Variants in SYN3 observed in about 807,000 individuals in gnomAD.
SYN3 encodes the protein synapsin III, also known as synapsin-3.
In SYN3, 35 loss-of-function variants were observed where a neutral mutation model predicts 65.8. The ratio of observed to expected loss-of-function variants is 0.53; its 90% CI spans 0.41 to 0.70. The LOEUF (loss-of-function observed/expected upper bound fraction) is 0.70, where lower values mean the gene tolerates loss of function less well. SYN3 is among the 30% of genes least tolerant of loss of function. SYN3 has a pLI of 0.00. For missense variants in SYN3, 680 were observed against 749.0 expected (o/e 0.91, Z 1.08); for synonymous variants, 270 against 292.9 (o/e 0.92, Z 0.80).
At chr22:32,946,010 T>C (rs1240945721) in intron 3 of SYN3, among the ~76,000 whole-genome samples, 4 of 152,162 alleles carry the variant, frequency 2.6e-5, no homozygotes, top group African/African-American at 9.7e-5. Flanking sequence ...TCATACCAGT[T>C]AGAATGGCGA....
At chr22:32,719,453 T>C (rs2061085158) in intron 6 of SYN3, among the ~76,000 whole-genome samples, 1 of 152,228 alleles carries the variant, frequency 6.6e-6, no homozygotes, top group African/African-American at 2.4e-5. Flanking sequence ...GAATATAAGT[T>C]CCATGAAGAT....
chr22:32,805,768 T>C (rs138924802), intron 6 of SYN3, among the ~76,000 whole-genome samples: 10 of 152,260 alleles, frequency 6.6e-5, no homozygotes, highest in African/African-American at 2.4e-4. Context: ...AGTTATACCA[T>C]GCTTCAAAAA....
intron 6 of SYN3, among the ~76,000 whole-genome samples, chr22:32,692,174 AAAC>A (rs1464493291): frequency 0.04 from 5,391 of 134,070 alleles, 666 homozygotes; most frequent in African/African-American, 0.12. Flanking sequence ...AAAAAAAAAA[AAAC>A]AGGACGGTCT....
rs1203901498 is a variant in SYN3, at chr22:32,513,545, T to C, written c.*147A>G. The C allele has an allele frequency of 9.4e-7, 1 of 1,065,720 alleles. No individual in the cohort carries two copies. Among genetic ancestry groups the C allele is most frequent in the Non-Finnish European group, 1.3e-6 (1 of 747,226 alleles). 66.0% of individuals were successfully genotyped at this position (1,065,720 alleles called of 1,614,324 possible). A position where few individuals can be genotyped will look rare whatever the true frequency, so the allele number is the denominator to read the frequency against. ...GAAGGAAAATGGGAACAAATATAGA[T>C]AATCGGTTCCTGGGTCAAAGGCATT... On this transcript the variant is annotated 3_prime_UTR_variant, in exon 14 of 14. Coordinates refer to ENST00000358763, the MANE Select transcript of SYN3 (RefSeq NM_003490.4).
chr22:32,522,757 C>T (rs1487478745), intron 12 of SYN3, among the ~76,000 whole-genome samples: 1 of 152,092 alleles, frequency 6.6e-6, no homozygotes, highest in African/African-American at 2.4e-5. Context: ...CTGCATTTAT[C>T]TCATGGACAA....
chr22:32,561,178 GCCC>G (rs1187754833), intron 7 of SYN3, among the ~76,000 whole-genome samples: 1 of 152,162 alleles, frequency 6.6e-6, no homozygotes, highest in East Asian at 1.9e-4. Flanking sequence ...GACCCCTGAA[GCCC>G]AGAATGTCAC....
At chr22:32,909,620 GC>G (rs1000773836) in intron 4 of SYN3, among the ~76,000 whole-genome samples, 1 of 73,566 alleles carries the variant, frequency 1.4e-5, no homozygotes, top group East Asian at 3.4e-4. Context: ...TGCCACCCCC[GC>G]CCCCCCACCC....
intron 7 of SYN3, among the ~76,000 whole-genome samples, chr22:32,556,794 A>C (rs1480511760): frequency 2.7e-5 from 1 of 37,252 alleles, no homozygotes; most frequent in Non-Finnish European, 4.6e-5. Context: ...CCCAATCTAT[A>C]GGTTTCCTGG....
intron 6 of SYN3, among the ~76,000 whole-genome samples, chr22:32,659,347 C>G (rs1194221056): frequency 6.6e-6 from 1 of 152,058 alleles, no homozygotes; most frequent in African/African-American, 2.4e-5. Context: ...GGGGAGACAG[C>G]CAGATCCTTT....
chr22:32,942,387 T>C (rs2050968153), intron 3 of SYN3, among the ~76,000 whole-genome samples: 1 of 152,258 alleles, frequency 6.6e-6, no homozygotes, highest in Admixed American at 6.5e-5. Context: ...CTGAGGGTTC[T>C]GACTGTTAGA....
chr22:32,855,972 C>G (rs1188243284), intron 6 of SYN3, among the ~76,000 whole-genome samples: 4 of 152,080 alleles, frequency 2.6e-5, no homozygotes, highest in African/African-American at 9.7e-5. Context: ...ATAAACGAAC[C>G]CAATGCTTTC....
intron 7 of SYN3, among the ~76,000 whole-genome samples, chr22:32,572,357 A>ATTTC (rs2058778103): frequency 6.1e-5 from 2 of 32,574 alleles, no homozygotes; most frequent in Non-Finnish European, 1.1e-4. Flanking sequence ...TCCTTCCCTT[A>ATTTC]CTTCCCTTCC....
At chr22:32,727,099 C>G (rs891891812) in intron 6 of SYN3, among the ~76,000 whole-genome samples, 2 of 152,030 alleles carry the variant, frequency 1.3e-5, no homozygotes, top group Non-Finnish European at 2.9e-5. Flanking sequence ...GTATTAAGCC[C>G]AGCATCCATT....
intron 6 of SYN3, among the ~76,000 whole-genome samples, chr22:32,624,801 G>A (rs551494391): frequency 2.7e-4 from 41 of 152,320 alleles, no homozygotes; most frequent in African/African-American, 9.1e-4. Flanking sequence ...CACAGTCACC[G>A]GTTAGCATTT....
intron 6 of SYN3, among the ~76,000 whole-genome samples, chr22:32,814,509 A>C: frequency 6.6e-6 from 1 of 152,200 alleles, no homozygotes; most frequent in Non-Finnish European, 1.5e-5. Context: ...TAACGGAGAA[A>C]GACAAGAGAT....
intron 4 of SYN3, among the ~76,000 whole-genome samples, chr22:32,925,682 A>G (rs969044636): frequency 1.6e-4 from 24 of 152,210 alleles, no homozygotes; most frequent in African/African-American, 5.3e-4. Context: ...CAATCTGGGG[A>G]TGTTTCCTAC....
intron 6 of SYN3, among the ~76,000 whole-genome samples, chr22:32,683,191 T>C (rs943808654): frequency 1.3e-5 from 2 of 152,280 alleles, no homozygotes; most frequent in South Asian, 4.2e-4. Context: ...AAATAATTCA[T>C]GACCATATCA....
chr22:32,929,059 G>T (rs894141241), intron 4 of SYN3, among the ~76,000 whole-genome samples: 1 of 152,156 alleles, frequency 6.6e-6, no homozygotes, highest in African/African-American at 2.4e-5. Flanking sequence ...AAGGCCGGGG[G>T]ATCTCCTCAG....
chr22:32,781,901 T>C (rs2046075140), intron 6 of SYN3, among the ~76,000 whole-genome samples: 1 of 152,068 alleles, frequency 6.6e-6, no homozygotes, highest in African/African-American at 2.4e-5. Flanking sequence ...TTTTCTTTTT[T>C]AAACAGAACA....
Sources: gnomAD v4.1 joint callset for allele counts (sites outside exome capture counted in the v4.1 genomes callset) on GRCh38, gnomAD v4.1.1 for gene constraint, MANE v1.5 for transcripts, NCBI Gene and HGNC (gene_info 2026-07-23, HGNC 2026-07-21) for gene names.